SLC12A8: variants seen among roughly 807,000 people sequenced by gnomAD.
SLC12A8 encodes cation-chloride cotransporter 9.
In SLC12A8, 69 loss-of-function variants were observed where a neutral mutation model predicts 75.6. That is an observed-to-expected ratio of 0.91 (90% CI 0.75 to 1.11). The LOEUF is 1.11. Ranked by LOEUF, SLC12A8 falls within the 50% of genes most tolerant of loss-of-function variation. SLC12A8 has a pLI of 0.00. For missense variants in SLC12A8, 877 were observed against 896.7 expected (o/e 0.98, Z 0.28); for synonymous variants, 365 against 372.8 (o/e 0.98, Z 0.24).
At chr3:125,086,173 C>T (rs780611181) in intron 13 of SLC12A8, among the ~76,000 whole-genome samples, 15 of 152,270 alleles carry the variant, frequency 9.9e-5, no homozygotes, top group Admixed American at 3.9e-4. Context: ...TGAGCCACTG[C>T]GCCCAGCCTT....
intron 3 of SLC12A8, 77 bp downstream of exon 3, chr3:125,190,298 A>G (rs1222890599): frequency 6.6e-7 from 1 of 1,518,460 alleles, no homozygotes; most frequent in Non-Finnish European, 9.1e-7. Context: ...TGTGGCCTGC[A>G]CTGTAGAATG....
chr3:125,145,056 T>C (rs1429988946), intron 5 of SLC12A8, among the ~76,000 whole-genome samples: 1 of 152,196 alleles, frequency 6.6e-6, no homozygotes, highest in Non-Finnish European at 1.5e-5. Flanking sequence ...TTCAGTATCA[T>C]AGAACTGTAG....
At chr3:125,098,706 A>C (rs1348595063) in intron 10 of SLC12A8, among the ~76,000 whole-genome samples, 3 of 152,206 alleles carry the variant, frequency 2.0e-5, no homozygotes, top group Non-Finnish European at 2.9e-5. Flanking sequence ...TCTAAAGCTG[A>C]GGGTAAGAAA....
chr3:125,095,572 C>A (rs1212151999), intron 10 of SLC12A8, among the ~76,000 whole-genome samples: 1 of 152,204 alleles, frequency 6.6e-6, no homozygotes, highest in African/African-American at 2.4e-5. Flanking sequence ...TGACTAAGTT[C>A]TCAGCAACAG....
intron 10 of SLC12A8, among the ~76,000 whole-genome samples, chr3:125,099,344 T>C (rs533598542): frequency 1.3e-5 from 2 of 152,166 alleles, no homozygotes; most frequent in Non-Finnish European, 2.9e-5. Context: ...CTCAGAAATA[T>C]ATATCAGAAT....
intron 4 of SLC12A8, among the ~76,000 whole-genome samples, chr3:125,182,287 A>G (rs6782235): frequency 0.62 from 93,408 of 151,726 alleles, 29,993 homozygotes; most frequent in Non-Finnish European, 0.71. Flanking sequence ...TGATGGCGTC[A>G]CTGCACTCCA....
intron 6 of SLC12A8, among the ~76,000 whole-genome samples, chr3:125,124,815 T>C (rs899002077): frequency 6.6e-6 from 1 of 152,230 alleles, no homozygotes; most frequent in East Asian, 1.9e-4. Flanking sequence ...GTCACAGAAA[T>C]TCTCTAGTTT....
intron 8 of SLC12A8, among the ~76,000 whole-genome samples, chr3:125,114,180 C>A (rs1939251949): frequency 1.3e-5 from 2 of 152,150 alleles, no homozygotes. Flanking sequence ...ATAATGAGAC[C>A]TAGTCTGCTT....
At chr3:125,174,891 C>T (rs1013199750) in intron 5 of SLC12A8, among the ~76,000 whole-genome samples, 16 of 152,160 alleles carry the variant, frequency 1.1e-4, no homozygotes, top group African/African-American at 3.6e-4. Flanking sequence ...ATGCTGCATA[C>T]GTAACATTGT....
rs534063823 is a variant in SLC12A8 at position 125,160,250 on chromosome 3, G to A, written c.622+17493C>T. Among the ~76,000 whole-genome samples, 5 of 152,278 alleles carry A rather than the reference G, an allele frequency of 3.3e-5. No individual in the cohort carries two copies. The East Asian group carries it at 7.7e-4, about 23-fold the overall frequency. On this transcript the variant is annotated intron_variant, in intron 5 of 13. Transcript: ENST00000469902. Reference sequence around the variant, plus strand: ...TGAGCCACCGCACCCAGTGCGACTTGGTTCTCAAATCTACCTATGGTAGGT... The same window carrying A: ...TGAGCCACCGCACCCAGTGCGACTTAGTTCTCAAATCTACCTATGGTAGGT...
At chr3:125,207,662 G>A (rs1304579832) in intron 2 of SLC12A8, among the ~76,000 whole-genome samples, 1 of 152,144 alleles carries the variant, frequency 6.6e-6, no homozygotes, top group African/African-American at 2.4e-5. Context: ...TTTGTCTCAG[G>A]CTACCTGCTT....
rs897618792 is a variant in SLC12A8 at position 125,098,554 on chromosome 3, C to A, written c.1706-6356G>T. On this transcript the variant is annotated intron_variant, in intron 10 of 13. Transcript: ENST00000469902. ...GTATGAAGAGGTCAGTGAATCTTCTCCACACACACACACACACACACACAC... is the reference window on the plus strand; with the variant it reads ...GTATGAAGAGGTCAGTGAATCTTCTACACACACACACACACACACACACAC... 9.7e-5 allele frequency among the ~76,000 whole-genome samples: 14 copies of A among 143,920 alleles called. No individual in the cohort carries two copies. The South Asian group carries it at 2.4e-3, about 24-fold the overall frequency. The allele number at this position is 143,920 out of a possible 152,430, so 94.4% of individuals were successfully genotyped here. A position where few individuals can be genotyped will look rare whatever the true frequency, so the allele number is the denominator to read the frequency against.
chr3:125,194,289 C>T (rs565603107), intron 2 of SLC12A8, among the ~76,000 whole-genome samples: 3 of 152,360 alleles, frequency 2.0e-5, no homozygotes, highest in African/African-American at 7.2e-5. Flanking sequence ...CCCAAGCCCC[C>T]AGGACAAGAA....
At chr3:125,200,451 A>G (rs563411794) in intron 2 of SLC12A8, among the ~76,000 whole-genome samples, 71 of 152,342 alleles carry the variant, frequency 4.7e-4, no homozygotes, top group African/African-American at 1.6e-3. Context: ...TGTCTCAAAG[A>G]AAAACAACAA....
chr3:125,088,189 A>C, intron 13 of SLC12A8, 121 bp downstream of exon 13: 1 of 902,026 alleles, frequency 1.1e-6, no homozygotes, highest in South Asian at 1.5e-5. Flanking sequence ...GGAGGTGCCC[A>C]GTTGTTAGGT....
At chr3:125,191,383 T>C (rs1432015425) in intron 2 of SLC12A8, among the ~76,000 whole-genome samples, 2 of 151,084 alleles carry the variant, frequency 1.3e-5, no homozygotes, top group Non-Finnish European at 2.9e-5. Context: ...ACTCACACTG[T>C]GAATGCTCTT....
chr3:125,208,146 C>A (rs778623012), intron 2 of SLC12A8, among the ~76,000 whole-genome samples: 1 of 152,230 alleles, frequency 6.6e-6, no homozygotes, highest in East Asian at 1.9e-4. Flanking sequence ...GCCCCTGGAA[C>A]AAGGCTTGGC....
chr3:125,189,190 T>C (rs903316856), intron 3 of SLC12A8, among the ~76,000 whole-genome samples: 1 of 152,168 alleles, frequency 6.6e-6, no homozygotes, highest in Admixed American at 6.5e-5. Flanking sequence ...CAAAGGCTGG[T>C]TTCCCAAAGA....
intron 6 of SLC12A8, among the ~76,000 whole-genome samples, chr3:125,122,558 C>T (rs933868096): frequency 6.6e-6 from 1 of 151,998 alleles, no homozygotes; most frequent in Non-Finnish European, 1.5e-5. Flanking sequence ...AATATAATAC[C>T]GAGGAAAAGA....
Sources: gnomAD v4.1 joint callset for allele counts (sites outside exome capture counted in the v4.1 genomes callset) on GRCh38, gnomAD v4.1.1 for gene constraint, MANE v1.5 for transcripts, NCBI Gene and HGNC (gene_info 2026-07-23, HGNC 2026-07-21) for gene names.